Variants in PAK5 observed in about 807,000 individuals in gnomAD.
PAK5 encodes the protein p21 (RAC1) activated kinase 5.
PAK5 carries 16 observed loss-of-function variants against 65.9 expected under a neutral mutation model. The ratio of observed to expected loss-of-function variants is 0.24; its 90% CI spans 0.16 to 0.37. The LOEUF is 0.37. PAK5 is among the 10% of genes least tolerant of loss of function. The pLI, the probability that PAK5 is intolerant of heterozygous loss-of-function variation, is 1.00. For synonymous variants in PAK5, 371 were observed against 354.9 expected (o/e 1.05, Z -0.51); for missense variants, 785 against 903.9 (o/e 0.87, Z 1.69).
At chr20:9,768,737 C>T (rs2048798882) in intron 1 of PAK5, among the ~76,000 whole-genome samples, 1 of 133,062 alleles carries the variant, frequency 7.5e-6, no homozygotes, top group Admixed American at 8.3e-5. Flanking sequence ...GAACCAAGTT[C>T]ACACCACTGC....
intron 7 of PAK5, among the ~76,000 whole-genome samples, chr20:9,556,955 C>A (rs2045516792): frequency 6.6e-6 from 1 of 152,120 alleles, no homozygotes; most frequent in Non-Finnish European, 1.5e-5. Flanking sequence ...AGCTCTCATC[C>A]TGCAGGTTCA....
chr20:9,799,401 A>T (rs2049142123), intron 1 of PAK5, among the ~76,000 whole-genome samples: 1 of 152,124 alleles, frequency 6.6e-6, no homozygotes, highest in African/African-American at 2.4e-5. Flanking sequence ...CATGAAAAGG[A>T]TAGAGCTACT....
intron 3 of PAK5, among the ~76,000 whole-genome samples, chr20:9,629,216 A>G (rs941244077): frequency 6.6e-6 from 1 of 152,230 alleles, no homozygotes; most frequent in African/African-American, 2.4e-5. Flanking sequence ...CTCCTGACCC[A>G]TAGAAACTGC....
intron 2 of PAK5, among the ~76,000 whole-genome samples, chr20:9,695,646 G>A (rs1401020239): frequency 6.6e-6 from 1 of 151,976 alleles, no homozygotes; most frequent in East Asian, 1.9e-4. Flanking sequence ...TAATTAAGAT[G>A]TGAAGGTTGG....
intron 4 of PAK5, among the ~76,000 whole-genome samples, chr20:9,569,006 T>C (rs73895909): frequency 0.03 from 4,586 of 152,268 alleles, 242 homozygotes; most frequent in African/African-American, 0.1. Context: ...GTGTTCCTGT[T>C]TGAAACCTTG....
chr20:9,643,590 G>A (rs549879124), intron 3 of PAK5, among the ~76,000 whole-genome samples: 31 of 151,904 alleles, frequency 2.0e-4, no homozygotes, highest in Admixed American at 5.9e-4. Flanking sequence ...GTGCGTATAT[G>A]TTTGTGTGTA....
At chr20:9,548,268 T>C (rs1052140591) in intron 7 of PAK5, among the ~76,000 whole-genome samples, 4 of 152,176 alleles carry the variant, frequency 2.6e-5, no homozygotes, top group Non-Finnish European at 5.9e-5. Flanking sequence ...CTGAGTTTTT[T>C]TGATGATTTT....
At chr20:9,598,659 G>T (rs2046311523) in intron 3 of PAK5, among the ~76,000 whole-genome samples, 1 of 152,092 alleles carries the variant, frequency 6.6e-6, no homozygotes, top group Non-Finnish European at 1.5e-5. Flanking sequence ...ATTCTGACTG[G>T]TGTGAGATGG....
At chr20:9,711,842 G>A in intron 1 of PAK5, among the ~76,000 whole-genome samples, 1 of 152,124 alleles carries the variant, frequency 6.6e-6, no homozygotes, top group East Asian at 1.9e-4. Context: ...TATGATTTAT[G>A]AAGTCACCAC....
chr20:9,637,872 A>C (rs2047001863), intron 3 of PAK5, among the ~76,000 whole-genome samples: 2 of 152,194 alleles, frequency 1.3e-5, no homozygotes, highest in South Asian at 2.1e-4. Context: ...AAAGCTTTTA[A>C]ATATTATCCT....
intron 3 of PAK5, among the ~76,000 whole-genome samples, chr20:9,638,718 C>T (rs2047012406): frequency 6.6e-6 from 1 of 152,160 alleles, no homozygotes; most frequent in Non-Finnish European, 1.5e-5. Context: ...AATAAGTCTA[C>T]ACAGAGGAGA....
intron 4 of PAK5, among the ~76,000 whole-genome samples, chr20:9,572,405 C>T (rs531853666): frequency 6.6e-6 from 1 of 152,266 alleles, no homozygotes; most frequent in East Asian, 1.9e-4. Context: ...ATGAATTTGT[C>T]CATTCCTACT....
chr20:9,763,478 C>T (rs1474262870), intron 1 of PAK5, among the ~76,000 whole-genome samples: 1 of 152,050 alleles, frequency 6.6e-6, no homozygotes, highest in South Asian at 2.1e-4. Context: ...CCTAACTTAT[C>T]CTAACTGATA....
At chr20:9,651,999 C>T (rs901590347) in intron 2 of PAK5, among the ~76,000 whole-genome samples, 1 of 152,192 alleles carries the variant, frequency 6.6e-6, no homozygotes, top group Non-Finnish European at 1.5e-5. Context: ...AAAATGGTGA[C>T]TTTAACGTAC....
At chr20:9,833,184 C>T (rs1978862897) in intron 1 of PAK5, among the ~76,000 whole-genome samples, 2 of 152,168 alleles carry the variant, frequency 1.3e-5, no homozygotes, top group South Asian at 2.1e-4. Context: ...GCTTTCTATA[C>T]ACTTAGCCAA....
chr20:9,552,004 C>A (rs1195236598), intron 7 of PAK5, among the ~76,000 whole-genome samples: 1 of 152,186 alleles, frequency 6.6e-6, no homozygotes, highest in Non-Finnish European at 1.5e-5. Flanking sequence ...AAGATCTGGG[C>A]AGGGCACCAA....
chr20:9,717,269 G>C (rs1247264441), intron 1 of PAK5, among the ~76,000 whole-genome samples: 2 of 152,052 alleles, frequency 1.3e-5, no homozygotes, highest in African/African-American at 2.4e-5. Context: ...CCACAGACTG[G>C]CTCCACCTTT....
At chr20:9,540,858 TC>T (rs2045250777) in intron 9 of PAK5, among the ~76,000 whole-genome samples, 1 of 151,986 alleles carries the variant, frequency 6.6e-6, no homozygotes, top group Admixed American at 6.5e-5. Flanking sequence ...TGCCTCAGCC[TC>T]CTGAGTAGCT....
In PAK5 at chr20:9,766,536, T is replaced by C. The variant is rs78026844; in HGVS notation, c.-161-55101A>G. ...TATTCAAGCAGAATATATATATATA[T>C]ATATATATATATATTTTCAAGCAGA... is the stretch of plus-strand genomic sequence containing the variant. On this transcript the variant is annotated intron_variant, in intron 1 of 9. Transcript: ENST00000353224. Among the ~76,000 whole-genome samples, 41 of 111,400 alleles carry C rather than the reference T, an allele frequency of 3.7e-4. 4 individuals are homozygous for C. The highest frequency in any genetic ancestry group is 6.5e-4 in the East Asian group (2 of 3,056). 73.1% of individuals were successfully genotyped at this position (111,400 alleles called of 152,430 possible). A position where few individuals can be genotyped will look rare whatever the true frequency, so the allele number is the denominator to read the frequency against.
Sources: gnomAD v4.1 joint callset for allele counts (sites outside exome capture counted in the v4.1 genomes callset) on GRCh38, gnomAD v4.1.1 for gene constraint, MANE v1.5 for transcripts, NCBI Gene and HGNC (gene_info 2026-07-23, HGNC 2026-07-21) for gene names.